PAK3: variants seen among roughly 807,000 people sequenced by gnomAD.
PAK3 encodes p21 (RAC1) activated kinase 3.
In PAK3, 4 loss-of-function variants were observed where a neutral mutation model predicts 41.0. The observed-to-expected ratio is 0.10, with a 90% CI of 0.05 to 0.22. The LOEUF is 0.22. PAK3 is among the 10% of genes least tolerant of loss of function. The probability of loss-of-function intolerance (pLI) is 1.00; values close to 1 mark genes in which losing one functional copy is unlikely to be tolerated. For missense variants in PAK3, 205 were observed against 409.9 expected (o/e 0.50, Z 4.32); for synonymous variants, 146 against 139.6 (o/e 1.05, Z -0.32).
intron 4 of PAK3, among the ~76,000 whole-genome samples, chrX:111,114,211 C>A (rs1245458812): frequency 8.9e-6 from 1 of 112,158 alleles, no homozygotes; most frequent in African/African-American, 3.2e-5. Context: ...CACTGTATGA[C>A]ATACATTTTA....
At chrX:111,053,639 G>C (rs1394870462) in intron 1 of PAK3, among the ~76,000 whole-genome samples, 1 of 110,951 alleles carries the variant, frequency 9.0e-6, no homozygotes, top group Admixed American at 9.6e-5. Flanking sequence ...TGGGGTAGCT[G>C]TCTGCCCAAC....
chrX:110,975,725 G>A (rs2091314366), intron 1 of PAK3, among the ~76,000 whole-genome samples: 1 of 111,887 alleles, frequency 8.9e-6, no homozygotes, highest in African/African-American at 3.3e-5. Flanking sequence ...CAAGGCCACA[G>A]TAACCAAAAC....
At chrX:111,172,051 A>G (rs954807740) in intron 10 of PAK3, among the ~76,000 whole-genome samples, 5 of 111,801 alleles carry the variant, frequency 4.5e-5, no homozygotes, top group Non-Finnish European at 9.4e-5. Context: ...TAATTACTCA[A>G]TAGATATTTG....
intron 5 of PAK3, among the ~76,000 whole-genome samples, chrX:111,136,189 G>T (rs1432813322): frequency 1.8e-5 from 2 of 112,113 alleles, no homozygotes; most frequent in Admixed American, 9.4e-5. Flanking sequence ...TAGAGCTGAA[G>T]TTAGAGTGGA....
intron 8 of PAK3, among the ~76,000 whole-genome samples, chrX:111,156,750 C>T (rs1017162219): frequency 2.7e-5 from 3 of 111,790 alleles, no homozygotes; most frequent in Non-Finnish European, 3.8e-5. Context: ...TAATATTGAA[C>T]TCAGGGATAG....
intron 11 of PAK3, among the ~76,000 whole-genome samples, chrX:111,174,152 A>C (rs183162445): frequency 1.6e-4 from 18 of 112,003 alleles, no homozygotes; most frequent in African/African-American, 5.2e-4. Flanking sequence ...TGGCATACTT[A>C]GGTTCAAAAA....
chrX:111,169,252 C>T, intron 10 of PAK3: 1 of 251,964 alleles, frequency 4.0e-6, no homozygotes, highest in East Asian at 1.2e-4. Context: ...GGAACCTATG[C>T]AGATGACTGT....
At chrX:111,030,225 A>C (rs2092324564) in intron 1 of PAK3, among the ~76,000 whole-genome samples, 1 of 110,403 alleles carries the variant, frequency 9.1e-6, no homozygotes, top group South Asian at 3.8e-4. Flanking sequence ...GTTTTTTTTT[A>C]AATATTTCTA....
chrX:111,139,932 A>G lies in PAK3; in HGVS notation c.176-2164A>G, dbSNP rs192931818. On this transcript the variant is annotated intron_variant, in intron 5 of 17. Coordinates refer to ENST00000372007, the MANE Select transcript of PAK3 (RefSeq NM_002578.5). ...GTACATTTTTATGGGCAGAAGTTCC[A>G]TAGCTTTCTTCAGATTTTTCAGAAG... Among the ~76,000 whole-genome samples, 269 of 111,549 alleles carry G rather than the reference A, an allele frequency of 2.4e-3. 1 individual carries two copies. Among genetic ancestry groups the G allele is most frequent in the African/African-American group, 8.4e-3 (258 of 30,743 alleles).
At chrX:110,970,435 A>C (rs1369058739) in intron 1 of PAK3, among the ~76,000 whole-genome samples, 1 of 111,928 alleles carries the variant, frequency 8.9e-6, no homozygotes, top group Non-Finnish European at 1.9e-5. Context: ...GAATGAGTTC[A>C]TGTCCTTTGC....
chrX:111,216,940 T>C, intron 17 of PAK3: 1 of 752,662 alleles, frequency 1.3e-6, no homozygotes, highest in Non-Finnish European at 1.6e-6. Flanking sequence ...TTCCATGGCA[T>C]TTGCTACTCT....
Position 111,220,639 on chromosome X carries a change from C to T in PAK3, c.*192C>T. 1 of 452,789 alleles carries T rather than the reference C, an allele frequency of 2.2e-6. No homozygotes were observed. The highest frequency in any genetic ancestry group is 3.9e-6 in the Non-Finnish European group (1 of 256,643). 37.3% of individuals were successfully genotyped at this position (452,789 alleles called of 1,213,427 possible). On this transcript the variant is annotated 3_prime_UTR_variant, in exon 18 of 18. Coordinates refer to ENST00000372007, the MANE Select transcript of PAK3 (RefSeq NM_002578.5). The stretch of plus-strand genomic sequence containing the variant: ...ATTTATTTGTAAGCCTGAATCGCAG[C>T]CCAAACAGGGCAGCAATGTTGAAGT...
intron 1 of PAK3, among the ~76,000 whole-genome samples, chrX:111,005,953 G>A (rs2091915250): frequency 9.0e-6 from 1 of 111,365 alleles, no homozygotes; most frequent in Admixed American, 9.5e-5. Context: ...AAGGAGACAT[G>A]GAGGTCTAGA....
intron 1 of PAK3, among the ~76,000 whole-genome samples, chrX:110,978,080 C>T (rs1233714408): frequency 9.0e-6 from 1 of 111,657 alleles, no homozygotes; most frequent in South Asian, 3.7e-4. Flanking sequence ...TTGTTGAGTG[C>T]TTTATCATAA....
At chrX:111,148,018 A>G in intron 7 of PAK3, 128 bp downstream of exon 7, 1 of 532,494 alleles carries the variant, frequency 1.9e-6, no homozygotes. Context: ...CATCAACATA[A>G]GGAAACCAAA....
At chrX:111,005,490 T>C (rs1219406359) in intron 1 of PAK3, among the ~76,000 whole-genome samples, 1 of 111,832 alleles carries the variant, frequency 8.9e-6, no homozygotes, top group Non-Finnish European at 1.9e-5. Flanking sequence ...TTTGAATCGC[T>C]ACCCATCTGT....
intron 5 of PAK3, among the ~76,000 whole-genome samples, chrX:111,136,111 AG>A (rs1242102318): frequency 9.0e-6 from 1 of 111,590 alleles, no homozygotes; most frequent in Non-Finnish European, 1.9e-5. Context: ...CTGAAAAAAA[AG>A]GAGTCCCTCC....
At chrX:111,070,863 G>A (rs1031329519) in intron 1 of PAK3, among the ~76,000 whole-genome samples, 2 of 111,877 alleles carry the variant, frequency 1.8e-5, no homozygotes, top group Non-Finnish European at 3.8e-5. Context: ...TTGAGCTCAT[G>A]ATGCTCTCCA....
intron 4 of PAK3, among the ~76,000 whole-genome samples, chrX:111,111,964 T>A (rs1397371214): frequency 2.7e-5 from 3 of 111,288 alleles, no homozygotes; most frequent in Non-Finnish European, 5.7e-5. Context: ...TGCATGTGCT[T>A]TCTGTCTCTT....
Sources: gnomAD v4.1 joint callset for allele counts (sites outside exome capture counted in the v4.1 genomes callset) on GRCh38, gnomAD v4.1.1 for gene constraint, MANE v1.5 for transcripts, NCBI Gene and HGNC (gene_info 2026-07-23, HGNC 2026-07-21) for gene names.